The following TMEM266 variants were observed in gnomAD, a reference collection of about 807,000 sequenced individuals.
TMEM266 encodes transmembrane protein 266.
A neutral mutation model predicts 50.5 loss-of-function variants in TMEM266; 33 were observed. That is an observed-to-expected ratio of 0.65 (90% CI 0.50 to 0.87). The LOEUF (loss-of-function observed/expected upper bound fraction) is 0.87. TMEM266 is among the 40% of genes least tolerant of loss of function. The pLI is 0.00. For missense variants in TMEM266, 655 were observed against 695.1 expected, an observed-to-expected ratio of 0.94 and a Z score of 0.65; for synonymous variants, 310 against 292.3, an observed-to-expected ratio of 1.06 and a Z score of -0.62.
At chr15:76,089,360 T>A (rs2141996970) in intron 1 of TMEM266, among the ~76,000 whole-genome samples, 1 of 151,758 alleles carries the variant, frequency 6.6e-6, no homozygotes, top group African/African-American at 2.4e-5. Flanking sequence ...GCCCGGCTAA[T>A]TTTTTTGTAT....
In TMEM266 at chr15:76,161,959, T is replaced by A. The variant is rs979423170; in HGVS notation, c.456+1791T>A. On this transcript the variant is annotated intron_variant, in intron 5 of 10. Coordinates refer to ENST00000388942, the MANE Select transcript of TMEM266 (RefSeq NM_152335.3). The surrounding 1 kb of genome is among the most constrained non-coding windows in gnomAD (Gnocchi z 4.1). Reference sequence around the variant, plus strand: ...GTTCTTCCCCTCTATCCCTCTGCTTTAGTTTTATTGGCTTTTGCAGAATTT... The same window carrying A: ...GTTCTTCCCCTCTATCCCTCTGCTTAAGTTTTATTGGCTTTTGCAGAATTT... Among the ~76,000 whole-genome samples the A allele has an allele frequency of 3.9e-5, 6 of 152,262 alleles. No individual in the cohort carries two copies. Among genetic ancestry groups the A allele is most frequent in the African/African-American group, 1.2e-4 (5 of 41,474 alleles).
At chr15:76,155,807 A>G (rs951250635) in intron 3 of TMEM266, among the ~76,000 whole-genome samples, 1 of 152,188 alleles carries the variant, frequency 6.6e-6, no homozygotes, top group Admixed American at 6.5e-5. Flanking sequence ...ATCTGGTTCA[A>G]ATCTTCCTTT....
chr15:76,116,406 C>T (rs1475641101), intron 1 of TMEM266, among the ~76,000 whole-genome samples: 1 of 152,186 alleles, frequency 6.6e-6, no homozygotes, highest in Non-Finnish European at 1.5e-5. Flanking sequence ...GTATGCACCC[C>T]TCCCTCATCC....
intron 1 of TMEM266, chr15:76,108,987 G>A (rs1596109493): frequency 6.6e-6 from 1 of 152,302 alleles, no homozygotes; most frequent in East Asian, 1.9e-4. Flanking sequence ...TTGGAAGCAA[G>A]GCTGTATCTT....
chr15:76,069,810 T>A (rs918738768), intron 1 of TMEM266, among the ~76,000 whole-genome samples: 1 of 151,460 alleles, frequency 6.6e-6, no homozygotes, highest in Non-Finnish European at 1.5e-5. Context: ...CGAGTGAGGC[T>A]CTGTCTCAGA....
At chr15:76,098,342 C>A (rs1375602594) in intron 1 of TMEM266, among the ~76,000 whole-genome samples, 1 of 152,102 alleles carries the variant, frequency 6.6e-6, no homozygotes, top group African/African-American at 2.4e-5. Context: ...GGCCCCTCTG[C>A]TGCTGGTCTG....
chr15:76,064,219 C>T (rs1420773396), intron 1 of TMEM266, among the ~76,000 whole-genome samples: 1 of 152,186 alleles, frequency 6.6e-6, no homozygotes, highest in East Asian at 1.9e-4. Context: ...TGAATCCTTG[C>T]ACTGCCTGCA....
chr15:76,130,776 A>G (rs1168072984), intron 1 of TMEM266, among the ~76,000 whole-genome samples: 1 of 152,186 alleles, frequency 6.6e-6, no homozygotes, highest in Non-Finnish European at 1.5e-5. Flanking sequence ...CCATGATACA[A>G]TTCTCTACAA....
intron 8 of TMEM266, among the ~76,000 whole-genome samples, chr15:76,189,051 T>A (rs1397474438): frequency 6.6e-6 from 1 of 151,960 alleles, no homozygotes; most frequent in African/African-American, 2.4e-5. Flanking sequence ...AATAAAAAAA[T>A]TAGCCGGGCA....
chr15:76,197,875 C>A (rs914038919), intron 9 of TMEM266, among the ~76,000 whole-genome samples: 1 of 152,266 alleles, frequency 6.6e-6, no homozygotes, highest in Non-Finnish European at 1.5e-5. Flanking sequence ...ACCTCTGCCT[C>A]CTTGCTGGGC....
rs1300441774 is a variant in TMEM266 at position 76,139,941 on chromosome 15, G to A, written c.227+2046G>A. ...GTGATGTACCCCTTTCAGGGGTCCT[G>A]TGCTGTGGTGTACCCCTTTCCAGGT... On this transcript the variant is annotated intron_variant, in intron 3 of 10. Transcript: ENST00000388942. The surrounding 1 kb of genome is among the most constrained non-coding windows in gnomAD (Gnocchi z 4.1). Among the ~76,000 whole-genome samples, 2 of 152,226 alleles carry A rather than the reference G, an allele frequency of 1.3e-5. No individual in the cohort carries two copies. The highest frequency in any genetic ancestry group is 4.8e-5 in the African/African-American group (2 of 41,468).
At chr15:76,131,069 G>A (rs1323252832) in intron 1 of TMEM266, among the ~76,000 whole-genome samples, 2 of 152,156 alleles carry the variant, frequency 1.3e-5, no homozygotes, top group Non-Finnish European at 2.9e-5. Flanking sequence ...CTAATACCTT[G>A]TGTAGCATGT....
At chr15:76,110,542 T>C (rs2037155823) in intron 1 of TMEM266, among the ~76,000 whole-genome samples, 1 of 152,140 alleles carries the variant, frequency 6.6e-6, no homozygotes, top group South Asian at 2.1e-4. Context: ...GTAAGTTGGG[T>C]TCTGTTCAGA....
intron 4 of TMEM266, among the ~76,000 whole-genome samples, chr15:76,157,998 G>A (rs201463725): frequency 1.3e-5 from 2 of 150,398 alleles, no homozygotes; most frequent in African/African-American, 2.5e-5. Context: ...AAATAAATAA[G>A]TAAATAAATA....
intron 1 of TMEM266, among the ~76,000 whole-genome samples, chr15:76,111,029 C>T (rs906890464): frequency 6.6e-6 from 1 of 151,538 alleles, no homozygotes; most frequent in Non-Finnish European, 1.5e-5. Context: ...TCATTCACTG[C>T]TGATGGGAAT....
At chr15:76,119,274 C>T in intron 1 of TMEM266, among the ~76,000 whole-genome samples, 1 of 151,736 alleles carries the variant, frequency 6.6e-6, no homozygotes, top group East Asian at 1.9e-4. Context: ...TTTGTACCCA[C>T]TCTACTTGCC....
At chr15:76,140,094 C>A (rs2037654022) in intron 3 of TMEM266, among the ~76,000 whole-genome samples, 1 of 152,240 alleles carries the variant, frequency 6.6e-6, no homozygotes, top group African/African-American at 2.4e-5. Flanking sequence ...AATGAAGCGC[C>A]TGCAAGGCAG....
chr15:76,087,041 GC>G (rs2036787911), intron 1 of TMEM266, among the ~76,000 whole-genome samples: 1 of 152,106 alleles, frequency 6.6e-6, no homozygotes, highest in African/African-American at 2.4e-5. Flanking sequence ...GCATGAATTG[GC>G]CTTAGGTTCC....
intron 1 of TMEM266, among the ~76,000 whole-genome samples, chr15:76,067,555 C>T (rs1418685417): frequency 1.3e-5 from 2 of 150,100 alleles, no homozygotes; most frequent in Non-Finnish European, 1.5e-5. Context: ...ATCACTTGAA[C>T]CCTGGAGGCG....
Sources: allele counts gnomAD v4.1 joint callset (sites outside exome capture counted in the v4.1 genomes callset), GRCh38; gene constraint gnomAD v4.1.1; non-coding constraint Gnocchi (gnomAD v3.1); transcripts MANE v1.5; gene names NCBI Gene and HGNC (gene_info 2026-07-23, HGNC 2026-07-21).